The following SESN3 variants were observed in gnomAD, a reference collection of about 807,000 sequenced individuals.
SESN3 encodes the protein sestrin 3.
A neutral mutation model predicts 55.3 loss-of-function variants in SESN3; 21 were observed. The observed-to-expected ratio is 0.38, with a 90% CI of 0.27 to 0.55. The LOEUF is 0.55. Among genes scored for constraint, SESN3 ranks in the 20% least tolerant of loss-of-function variants. SESN3 has a pLI of 0.76. For missense variants in SESN3, 408 were observed against 604.3 expected (o/e 0.68, Z 3.41); for synonymous variants, 181 against 203.1 (o/e 0.89, Z 0.93).
chr11:95,187,963 C>T (rs933498851), intron 4 of SESN3, among the ~76,000 whole-genome samples: 6 of 151,346 alleles, frequency 4.0e-5, no homozygotes, highest in African/African-American at 1.5e-4. Flanking sequence ...CCTACTTACT[C>T]TCATGCAGAA....
intron 1 of SESN3, among the ~76,000 whole-genome samples, chr11:95,210,017 CAAAAAAAAAAAA>C (rs71036380): frequency 5.0e-5 from 3 of 60,188 alleles, no homozygotes; most frequent in Non-Finnish European, 9.0e-5. Context: ...AACTCCATCT[CAAAAAAAAAAAA>C]AAAAAAAAAA....
Position 95,230,569 on chromosome 11 carries a change from C to A in SESN3, c.78+214G>T. The A allele has an allele frequency of 1.9e-6, 1 of 537,864 alleles. No individual in the cohort carries two copies. Among genetic ancestry groups the A allele is most frequent in the Non-Finnish European group, 3.3e-6 (1 of 306,356 alleles). The allele number at this position is 537,864 out of a possible 1,614,324, so 33.3% of individuals were successfully genotyped here. ...CAAGGGAAGAAAAAATATCCCAACCCCTCCAGACTTGGGTCTGTCCCGGCG... is the reference window on the plus strand; with the variant it reads ...CAAGGGAAGAAAAAATATCCCAACCACTCCAGACTTGGGTCTGTCCCGGCG... On this transcript the variant is annotated intron_variant, in intron 1 of 9. Transcript: ENST00000536441. This position sits in a 1 kb window ranked among gnomAD's most constrained non-coding sequence, Gnocchi z 4.6.
intron 1 of SESN3, among the ~76,000 whole-genome samples, chr11:95,194,278 T>G (rs1409820541): frequency 6.6e-6 from 1 of 152,112 alleles, no homozygotes; most frequent in African/African-American, 2.4e-5. Context: ...TCTCCCCCCA[T>G]TACTAGGTAA....
intron 7 of SESN3, among the ~76,000 whole-genome samples, 160 bp downstream of exon 7, chr11:95,178,550 A>G (rs1280952318): frequency 6.6e-6 from 1 of 152,238 alleles, no homozygotes; most frequent in Non-Finnish European, 1.5e-5. Context: ...ATAATTATCC[A>G]TCTATTGGGA....
rs117207657 is a variant in SESN3 at position 95,178,548 on chromosome 11, C to A, written c.1056+162G>T. Among the ~76,000 whole-genome samples, 372 of 152,280 alleles carry A rather than the reference C, an allele frequency of 2.4e-3. 2 individuals carry two copies. Among genetic ancestry groups the A allele is most frequent in the East Asian group, 0.016 (82 of 5,190 alleles). On this transcript the variant is annotated intron_variant, in intron 7 of 9. Coordinates refer to ENST00000536441, the MANE Select transcript of SESN3 (RefSeq NM_144665.4). The stretch of plus-strand genomic sequence containing the variant: ...GGGAGAAAAATGTTGAAATAATTAT[C>A]CATCTATTGGGAACTCCAATTAGAT...
At chr11:95,197,596 A>C (rs1860386468) in intron 1 of SESN3, among the ~76,000 whole-genome samples, 1 of 151,558 alleles carries the variant, frequency 6.6e-6, no homozygotes, top group South Asian at 2.1e-4. Context: ...ATAACACTTT[A>C]CCACCCAACC....
intron 2 of SESN3, among the ~76,000 whole-genome samples, chr11:95,192,090 T>G (rs1269407922): frequency 6.6e-6 from 1 of 152,072 alleles, no homozygotes; most frequent in Non-Finnish European, 1.5e-5. Flanking sequence ...TGAAGTCTTT[T>G]CAGGAACAAA....
At position 95,204,076 on chromosome 11, in the gene SESN3, A is replaced by G. The variant is rs1327010524; in HGVS notation, c.79-10554T>C. 3 of 152,174 alleles carry G rather than the reference A, an allele frequency of 2.0e-5. No individual in the cohort carries two copies. The East Asian group carries it at 5.8e-4, about 29-fold the overall frequency. The allele number at this position is 152,174 out of a possible 1,614,324, so 9.4% of individuals were successfully genotyped here. ...ATATGTCCTTATATTTTAGAAATGT[A>G]TACTAAAGTATACAGCAGGTAGAAG... On this transcript the variant is annotated intron_variant, in intron 1 of 9. Coordinates refer to ENST00000536441, the MANE Select transcript of SESN3 (RefSeq NM_144665.4).
chr11:95,185,128 T>C lies in SESN3; in HGVS notation c.762+128A>G, dbSNP rs1057368652. 3 of 603,654 alleles carry C rather than the reference T, an allele frequency of 5.0e-6. No individual in the cohort carries two copies. In the African/African-American group the frequency reaches 5.6e-5, roughly 11 times the overall value. 37.4% of individuals were successfully genotyped at this position (603,654 alleles called of 1,614,324 possible). A position where few individuals can be genotyped will look rare whatever the true frequency, so the allele number is the denominator to read the frequency against. On this transcript the variant is annotated intron_variant, in intron 5 of 9. Transcript: ENST00000536441. The stretch of plus-strand genomic sequence containing the variant: ...TTCAGGTACCAAATTTTTACAGTAA[T>C]AAAAATTATGCAAAAATATTTTAAG...
At chr11:95,195,640 G>T (rs1215617875) in intron 1 of SESN3, among the ~76,000 whole-genome samples, 1 of 152,122 alleles carries the variant, frequency 6.6e-6, no homozygotes, top group Admixed American at 6.6e-5. Flanking sequence ...GAACATTTTA[G>T]TTATATACAG....
At chr11:95,201,145 A>T (rs1454432209) in intron 1 of SESN3, 1 of 149,562 alleles carries the variant, frequency 6.7e-6, no homozygotes, top group Non-Finnish European at 1.5e-5. Flanking sequence ...TAACTTTCAT[A>T]AAAAAAAAAT....
In SESN3 at chr11:95,187,738, T is replaced by C. The variant is rs562958581; in HGVS notation, c.525+2041A>G. Among the ~76,000 whole-genome samples the C allele has an allele frequency of 1.2e-4, 18 of 152,024 alleles. No individual in the cohort carries two copies. The South Asian group carries it at 3.7e-3, about 32-fold the overall frequency. ...CCATTCATTCCTTCAACCTGACCTT[T>C]GCTTATCTGTAAACAACTATCCAAT... On this transcript the variant is annotated intron_variant, in intron 4 of 9. Transcript: ENST00000536441.
At chr11:95,218,539 G>A (rs1409635756) in intron 1 of SESN3, among the ~76,000 whole-genome samples, 2 of 151,982 alleles carry the variant, frequency 1.3e-5, no homozygotes, top group East Asian at 3.8e-4. Flanking sequence ...CCAGGAAAAG[G>A]TAATAGCATC....
chr11:95,175,075 C>T (rs1247867385), intron 9 of SESN3, among the ~76,000 whole-genome samples: 3 of 152,042 alleles, frequency 2.0e-5, no homozygotes, highest in South Asian at 2.1e-4. Context: ...ATTAAGACAA[C>T]GGTTTCTGCT....
intron 1 of SESN3, among the ~76,000 whole-genome samples, chr11:95,198,696 TTAAA>T (rs1860408434): frequency 6.6e-6 from 1 of 152,200 alleles, no homozygotes. Context: ...CTGATTAACA[TTAAA>T]TAAAGTTAAG....
Position 95,185,298 on chromosome 11 carries a change from G to A in SESN3, c.720C>T (p.Asp240=), listed in dbSNP as rs1457337754. ...NNFCVCDLAN[D]NNIENASLSG... ...AAAGAGATGCATTCTCTATGTTGTT[G>A]TCATTAGCAAGATCACAAACGCAGA... The change falls in exon 5 of 10, where the codon GAC becomes GAT. Residue 240 remains aspartate (D), a synonymous_variant. Transcript: ENST00000536441. 8 of 1,612,672 alleles carry A rather than the reference G, an allele frequency of 5.0e-6. No homozygotes were observed. Among genetic ancestry groups the A allele is most frequent in the Non-Finnish European group, 6.8e-6 (8 of 1,178,918 alleles).
At chr11:95,174,731 C>T (rs1859922905) in intron 9 of SESN3, among the ~76,000 whole-genome samples, 1 of 152,096 alleles carries the variant, frequency 6.6e-6, no homozygotes, top group South Asian at 2.1e-4. Flanking sequence ...AGGTGATCCC[C>T]CCACCTCGGC....
chr11:95,225,588 ATTTC>A (rs919681715), intron 1 of SESN3, among the ~76,000 whole-genome samples: 1 of 152,148 alleles, frequency 6.6e-6, no homozygotes, highest in African/African-American at 2.4e-5. Context: ...AATTAAATGG[ATTTC>A]TTTGTTATTA....
At position 95,167,150 on chromosome 11, in the gene SESN3, T is replaced by C. The variant is rs998328782; in HGVS notation, c.*6105A>G. On this transcript the variant is annotated 3_prime_UTR_variant, in exon 10 of 10. Transcript: ENST00000536441. ...AAGTTTTATTCTGTAAGTTTCATAA[T>C]GTATGCACTTAACTAATCAGGATTT... The C allele has an allele frequency of 6.6e-6, 1 of 152,196 alleles. No individual in the cohort carries two copies. Among genetic ancestry groups the C allele is most frequent in the Non-Finnish European group, 1.5e-5 (1 of 68,026 alleles). The allele number at this position is 152,196 out of a possible 1,614,324, so 9.4% of individuals were successfully genotyped here.
Sources: allele counts gnomAD v4.1 joint callset (sites outside exome capture counted in the v4.1 genomes callset), GRCh38; gene constraint gnomAD v4.1.1; non-coding constraint Gnocchi (gnomAD v3.1); transcripts MANE v1.5; gene names NCBI Gene and HGNC (gene_info 2026-07-23, HGNC 2026-07-21).